Variants in SGCZ observed in about 807,000 individuals in gnomAD.
SGCZ encodes zeta-sarcoglycan.
In SGCZ, 40 loss-of-function variants were observed where a neutral mutation model predicts 41.3. The ratio of observed to expected loss-of-function variants is 0.97; its 90% confidence interval spans 0.75 to 1.26. The LOEUF (loss-of-function observed/expected upper bound fraction) is 1.26. Ranked by LOEUF, SGCZ falls within the 50% of genes most tolerant of loss-of-function variation. The pLI, the probability that SGCZ is intolerant of heterozygous loss-of-function variation, is 0.00. For missense variants in SGCZ, 552 were observed against 369.8 expected (o/e 1.49, Z -4.04); for synonymous variants, 206 against 137.5 (o/e 1.50, Z -3.49).
rs1801987161 is a variant in SGCZ, at chr8:14,100,572, A to G, written c.744+1804T>C. 1.6e-5 allele frequency among the ~76,000 whole-genome samples: 2 copies of G among 129,002 alleles called. 1 individual carries two copies. The highest frequency in any genetic ancestry group is 3.2e-5 in the Non-Finnish European group (2 of 61,836). The allele number at this position is 129,002 out of a possible 152,430, so 84.6% of individuals were successfully genotyped here. ...TTAGATTAATATATTATATATTAAT[A>G]TATTTTCAAATAATATATTATATTT... On this transcript the variant is annotated intron_variant, in intron 7 of 7. Transcript: ENST00000382080.
chr8:14,385,925 A>G (rs1804557878), intron 2 of SGCZ, among the ~76,000 whole-genome samples: 1 of 152,182 alleles, frequency 6.6e-6, no homozygotes. Context: ...TAACCTACAC[A>G]TATCCTCTCC....
At chr8:14,789,075 T>C (rs1413729371) in intron 1 of SGCZ, among the ~76,000 whole-genome samples, 1 of 152,188 alleles carries the variant, frequency 6.6e-6, no homozygotes, top group African/African-American at 2.4e-5. Context: ...ACCCTGCGCC[T>C]CATTTCTGAA....
At chr8:14,545,268 AG>A (rs201527207) in intron 2 of SGCZ, among the ~76,000 whole-genome samples, 2,635 of 152,270 alleles carry the variant, frequency 0.017, 70 homozygotes, top group African/African-American at 0.06. Flanking sequence ...GGCAATAGAA[AG>A]GACAGTGATG....
intron 4 of SGCZ, among the ~76,000 whole-genome samples, chr8:14,219,553 C>G (rs553134366): frequency 6.6e-6 from 1 of 152,240 alleles, no homozygotes; most frequent in Non-Finnish European, 1.5e-5. Context: ...TCGAGACCAG[C>G]CTGGCCAACA....
intron 1 of SGCZ, among the ~76,000 whole-genome samples, chr8:14,728,622 G>GA (rs1810136564): frequency 6.6e-6 from 1 of 152,078 alleles, no homozygotes; most frequent in Non-Finnish European, 1.5e-5. Context: ...GAAATTTCTA[G>GA]AAAAATGTGT....
intron 3 of SGCZ, among the ~76,000 whole-genome samples, chr8:14,241,934 T>C (rs570116232): frequency 6.6e-6 from 1 of 152,366 alleles, no homozygotes; most frequent in Admixed American, 6.5e-5. Context: ...TTTTTATTTC[T>C]ATTGCCTTCA....
intron 2 of SGCZ, among the ~76,000 whole-genome samples, chr8:14,384,580 G>C (rs945145033): frequency 6.6e-6 from 1 of 152,054 alleles, no homozygotes; most frequent in Non-Finnish European, 1.5e-5. Flanking sequence ...TATTTCTTGA[G>C]ACAAAGTCTC....
At chr8:15,113,557 C>A (rs1223127860) in intron 1 of SGCZ, among the ~76,000 whole-genome samples, 1 of 152,178 alleles carries the variant, frequency 6.6e-6, no homozygotes, top group African/African-American at 2.4e-5. Flanking sequence ...TCGGTGCCTG[C>A]CTTCCCATTA....
At chr8:14,369,143 T>C (rs1803821920) in intron 2 of SGCZ, among the ~76,000 whole-genome samples, 2 of 152,078 alleles carry the variant, frequency 1.3e-5, no homozygotes, top group South Asian at 2.1e-4. Context: ...TATTATATAA[T>C]GTACAAATCT....
chr8:14,136,164 G>A (rs750626573), intron 5 of SGCZ, among the ~76,000 whole-genome samples: 21 of 152,052 alleles, frequency 1.4e-4, no homozygotes, highest in Admixed American at 4.6e-4. Flanking sequence ...AAACACTAAA[G>A]AATCAACTGG....
At chr8:15,190,686 G>A (rs970194515) in intron 1 of SGCZ, among the ~76,000 whole-genome samples, 1 of 150,038 alleles carries the variant, frequency 6.7e-6, no homozygotes, top group African/African-American at 2.5e-5. Flanking sequence ...TGTGTGGGGG[G>A]AGGTGTGCGT....
chr8:14,881,316 G>A (rs937075802), intron 1 of SGCZ, among the ~76,000 whole-genome samples: 1 of 151,978 alleles, frequency 6.6e-6, no homozygotes. Flanking sequence ...ACTTTAAAGA[G>A]GCTTTATTTG....
intron 1 of SGCZ, among the ~76,000 whole-genome samples, chr8:14,719,782 A>C (rs1373639482): frequency 1.3e-5 from 2 of 151,600 alleles, no homozygotes; most frequent in South Asian, 2.1e-4. Flanking sequence ...AGGTTGCTAA[A>C]ATTTTCTCCC....
chr8:14,561,804 C>T (rs1011550651), intron 1 of SGCZ, among the ~76,000 whole-genome samples: 14 of 152,052 alleles, frequency 9.2e-5, no homozygotes, highest in South Asian at 2.1e-4. Flanking sequence ...CACTTTCCAA[C>T]GCAGTATTTT....
chr8:14,943,690 TG>T (rs1216960764), intron 1 of SGCZ, among the ~76,000 whole-genome samples: 2 of 152,126 alleles, frequency 1.3e-5, no homozygotes, highest in Admixed American at 6.6e-5. Flanking sequence ...GTAAAAAGCA[TG>T]CCACTCAATA....
At chr8:14,332,381 C>T (rs556519189) in intron 2 of SGCZ, among the ~76,000 whole-genome samples, 28 of 152,042 alleles carry the variant, frequency 1.8e-4, no homozygotes, top group South Asian at 6.2e-4. Context: ...GCGGAGCTTG[C>T]GGTGAGCCGA....
chr8:15,219,107 A>T, intron 1 of SGCZ, among the ~76,000 whole-genome samples: 1 of 152,318 alleles, frequency 6.6e-6, no homozygotes, highest in Middle Eastern at 3.4e-3. Context: ...ATTATATTCA[A>T]TAACTACATA....
At chr8:14,377,177 G>C (rs187897482) in intron 2 of SGCZ, among the ~76,000 whole-genome samples, 275 of 152,294 alleles carry the variant, frequency 1.8e-3, no homozygotes, top group African/African-American at 6.3e-3. Context: ...GGAGAAGAGA[G>C]GGACTTGAGA....
In SGCZ at chr8:14,674,928, G is replaced by GCTT. The variant is rs1554478141; in HGVS notation, c.40-120003_40-120002insAAG. ...GCCAATTTAACCTCTTTTCTTTTCT[G>GCTT]TTTTTTTTTTTTTTTTTTTTTTTTT... is the stretch of plus-strand genomic sequence containing the variant. On this transcript the variant is annotated intron_variant, in intron 1 of 7. Transcript: ENST00000382080. 1.3e-3 allele frequency among the ~76,000 whole-genome samples: 94 copies of GCTT among 70,996 alleles called. 13 individuals carry two copies. The highest frequency in any genetic ancestry group is 3.3e-3 in the African/African-American group (64 of 19,692). 46.6% of individuals were successfully genotyped at this position (70,996 alleles called of 152,430 possible). A position where few individuals can be genotyped will look rare whatever the true frequency, so the allele number is the denominator to read the frequency against.
Sources: gnomAD v4.1 joint callset for allele counts (sites outside exome capture counted in the v4.1 genomes callset) on GRCh38, gnomAD v4.1.1 for gene constraint, MANE v1.5 for transcripts, NCBI Gene and HGNC (gene_info 2026-07-23, HGNC 2026-07-21) for gene names.